AGFG1: variants seen among roughly 807,000 people sequenced by gnomAD.
AGFG1 encodes the protein arf-GAP domain and FG repeat-containing protein 1.
Under a neutral mutation model 60.6 loss-of-function variants are expected in AGFG1, and 10 were observed. The observed-to-expected ratio is 0.16, with a 90% confidence interval of 0.10 to 0.28. AGFG1 has a LOEUF of 0.28. AGFG1 is among the 10% of genes least tolerant of loss of function. The probability of loss-of-function intolerance (pLI) is 1.00; values close to 1 mark genes in which losing one functional copy is unlikely to be tolerated. For missense variants in AGFG1, 537 were observed against 676.5 expected (o/e 0.79, Z 2.29); for synonymous variants, 247 against 242.9 (o/e 1.02, Z -0.16).
chr2:227,537,092 T>C (rs1692336918), intron 10 of AGFG1, 99 bp downstream of exon 10: 2 of 950,256 alleles, frequency 2.1e-6, no homozygotes, highest in Middle Eastern at 2.2e-4. Context: ...TCTTTCTTAG[T>C]GAAGTGAATG....
At chr2:227,476,980 C>G (rs567760674) in intron 1 of AGFG1, among the ~76,000 whole-genome samples, 2 of 151,024 alleles carry the variant, frequency 1.3e-5, no homozygotes, top group South Asian at 4.2e-4. Flanking sequence ...CGGCTCACTG[C>G]AACCTCTGTC....
chr2:227,538,784 T>C (rs1392019782), intron 10 of AGFG1, among the ~76,000 whole-genome samples: 1 of 152,188 alleles, frequency 6.6e-6, no homozygotes. Flanking sequence ...GTATGCAAGT[T>C]TTGTAAAAGT....
At chr2:227,509,050 A>G (rs1691414246) in intron 2 of AGFG1, among the ~76,000 whole-genome samples, 1 of 152,206 alleles carries the variant, frequency 6.6e-6, no homozygotes, top group African/African-American at 2.4e-5. Flanking sequence ...ATAAACATGT[A>G]GAAAACAGTC....
At chr2:227,490,373 T>C (rs1690773449) in intron 1 of AGFG1, among the ~76,000 whole-genome samples, 1 of 151,880 alleles carries the variant, frequency 6.6e-6, no homozygotes, top group Admixed American at 6.6e-5. Flanking sequence ...GGTCAGGAGA[T>C]TGAGAACATC....
At chr2:227,535,096 A>C in intron 8 of AGFG1, 71 bp downstream of exon 8, 1 of 1,364,450 alleles carries the variant, frequency 7.3e-7, no homozygotes, top group African/African-American at 1.5e-5. Context: ...AATCAATTAA[A>C]AAATGACTGT....
At chr2:227,486,500 A>G (rs965149471) in intron 1 of AGFG1, among the ~76,000 whole-genome samples, 5 of 152,324 alleles carry the variant, frequency 3.3e-5, no homozygotes, top group East Asian at 1.9e-4. Context: ...ACCAGTTCAT[A>G]TAAGAGTGCT....
chr2:227,540,207 T>C (rs1241692163), intron 10 of AGFG1, among the ~76,000 whole-genome samples: 1 of 151,746 alleles, frequency 6.6e-6, no homozygotes, highest in Non-Finnish European at 1.5e-5. Context: ...GTTTTTTTTT[T>C]TTTTACTTTA....
chr2:227,517,657 C>T (rs1691694901), intron 2 of AGFG1, among the ~76,000 whole-genome samples: 1 of 152,192 alleles, frequency 6.6e-6, no homozygotes, highest in Non-Finnish European at 1.5e-5. Flanking sequence ...TTATTTCTCC[C>T]ATACCCAGTT....
intron 5 of AGFG1, among the ~76,000 whole-genome samples, chr2:227,525,453 TACAC>T (rs1167004426): frequency 9.9e-5 from 15 of 152,234 alleles, no homozygotes; most frequent in Admixed American, 2.6e-4. Flanking sequence ...GATTTTTCCA[TACAC>T]ATACATACGT....
intron 9 of AGFG1, 76 bp from the exon 10 acceptor site, chr2:227,536,824 TA>T (rs1362246009): frequency 3.9e-6 from 6 of 1,545,032 alleles, no homozygotes; most frequent in Non-Finnish European, 5.3e-6. Context: ...TCTGTCTTGA[TA>T]AATATAGTGA....
chr2:227,524,381 G>A (rs1691921754), intron 4 of AGFG1, among the ~76,000 whole-genome samples: 1 of 152,114 alleles, frequency 6.6e-6, no homozygotes, highest in South Asian at 2.1e-4. Flanking sequence ...AAGGGACTTT[G>A]CATTATACCT....
chr2:227,538,787 G>A (rs1229642630), intron 10 of AGFG1, among the ~76,000 whole-genome samples: 3 of 152,020 alleles, frequency 2.0e-5, no homozygotes, highest in Non-Finnish European at 2.9e-5. Context: ...TGCAAGTTTT[G>A]TAAAAGTTGA....
intron 10 of AGFG1, among the ~76,000 whole-genome samples, chr2:227,544,558 G>A (rs1211581140): frequency 2.6e-5 from 4 of 152,132 alleles, no homozygotes; most frequent in African/African-American, 4.8e-5. Flanking sequence ...TAGCATCGAT[G>A]GTCTTTACAG....
At chr2:227,502,261 A>T (rs925194685) in intron 2 of AGFG1, among the ~76,000 whole-genome samples, 1 of 152,180 alleles carries the variant, frequency 6.6e-6, no homozygotes, top group Admixed American at 6.5e-5. Context: ...TAATTTGTTC[A>T]TTCTTCTTTG....
intron 10 of AGFG1, among the ~76,000 whole-genome samples, chr2:227,542,536 T>C (rs940013012): frequency 2.0e-4 from 31 of 152,218 alleles, no homozygotes; most frequent in African/African-American, 7.5e-4. Context: ...ATAAGCTTTT[T>C]GATGTGCTGC....
chr2:227,500,091 G>A lies in AGFG1; in HGVS notation c.261+8451G>A, dbSNP rs79910085. Reference sequence around the variant, plus strand: ...AGTATGCCATGTGGTTATGGGGTACGTTATGAGCTGGTAAGAAGAAAACAA... The same window carrying A: ...AGTATGCCATGTGGTTATGGGGTACATTATGAGCTGGTAAGAAGAAAACAA... On this transcript the variant is annotated intron_variant, in intron 2 of 12. Transcript: ENST00000310078. Among the ~76,000 whole-genome samples the A allele has an allele frequency of 3.1e-4, 47 of 152,302 alleles. 1 individual carries two copies. The East Asian group carries it at 7.5e-3, about 24-fold the overall frequency.
chr2:227,555,253 T>A lies in AGFG1; in HGVS notation c.*758T>A, dbSNP rs1271097652. ...TTTTATAAAAAGGCCATGTAGAAAA[T>A]TTATTAAAACTACTATGACTGCTAC... On this transcript the variant is annotated 3_prime_UTR_variant, in exon 13 of 13. Coordinates refer to ENST00000310078, the MANE Select transcript of AGFG1 (RefSeq NM_004504.5). The A allele has an allele frequency of 6.6e-6, 1 of 152,548 alleles. No individual in the cohort carries two copies. Among genetic ancestry groups the A allele is most frequent in the African/African-American group, 2.4e-5 (1 of 41,432 alleles). 9.4% of individuals were successfully genotyped at this position (152,548 alleles called of 1,614,324 possible).
At chr2:227,480,321 G>A (rs1690419178) in intron 1 of AGFG1, among the ~76,000 whole-genome samples, 1 of 152,170 alleles carries the variant, frequency 6.6e-6, no homozygotes, top group Non-Finnish European at 1.5e-5. Flanking sequence ...GAGAAACAGT[G>A]TATGTTCAGA....
At position 227,559,143 on chromosome 2, in the gene AGFG1, A is replaced by T. The variant is rs1693062110; in HGVS notation, c.*4648A>T. The T allele has an allele frequency of 1.3e-5, 2 of 152,178 alleles. No individual in the cohort carries two copies. The highest frequency in any genetic ancestry group is 2.4e-5 in the African/African-American group (1 of 41,450). The allele number at this position is 152,178 out of a possible 1,614,324, so 9.4% of individuals were successfully genotyped here. A position where few individuals can be genotyped will look rare whatever the true frequency, so the allele number is the denominator to read the frequency against. ...GGTTGCACATTCAAGGCTTACACTG[A>T]ATTCTGTCTGCAGTTCTGTTTTGTG... On this transcript the variant is annotated 3_prime_UTR_variant, in exon 13 of 13. Transcript: ENST00000310078.
Sources: allele counts gnomAD v4.1 joint callset (sites outside exome capture counted in the v4.1 genomes callset), GRCh38; gene constraint gnomAD v4.1.1; transcripts MANE v1.5; gene names NCBI Gene and HGNC (gene_info 2026-07-23, HGNC 2026-07-21).